The following ROR2 variants were observed in gnomAD, a reference collection of about 807,000 sequenced individuals.
ROR2 encodes the protein tyrosine-protein kinase transmembrane receptor ROR2.
A neutral mutation model predicts 74.9 loss-of-function variants in ROR2; 33 were observed. The ratio of observed to expected loss-of-function variants is 0.44; its 90% CI spans 0.33 to 0.59. The LOEUF (loss-of-function observed/expected upper bound fraction) is 0.59, where lower values mean the gene tolerates loss of function less well. Among genes scored for constraint, ROR2 ranks in the 20% least tolerant of loss-of-function variants. ROR2 has a pLI of 0.02. For synonymous variants in ROR2, 586 were observed against 558.7 expected (o/e 1.05, Z -0.69); for missense variants, 1,216 against 1,313.8 (o/e 0.93, Z 1.15).
intron 1 of ROR2, among the ~76,000 whole-genome samples, chr9:91,847,865 G>T (rs1472277465): frequency 6.6e-6 from 1 of 151,856 alleles, no homozygotes; most frequent in Non-Finnish European, 1.5e-5. Context: ...AAACACCCAC[G>T]CAGACTCACT....
rs142922014 is a variant in ROR2 at position 91,840,035 on chromosome 9, G to A, written c.98-64217C>T. ...ACACTGTACTGGCCCCCGTTCCCTG[G>A]ACTGCCCAGCATTTCTCAGGGAGAG... On this transcript the variant is annotated intron_variant, in intron 1 of 8. Transcript: ENST00000375708. 5.3e-3 allele frequency among the ~76,000 whole-genome samples: 807 copies of A among 152,214 alleles called. 11 individuals are homozygous for A. Among genetic ancestry groups the A allele is most frequent in the African/African-American group, 0.018 (765 of 41,534 alleles).
chr9:91,872,418 C>T (rs1829823615), intron 1 of ROR2, among the ~76,000 whole-genome samples: 1 of 152,212 alleles, frequency 6.6e-6, no homozygotes, highest in African/African-American at 2.4e-5. Flanking sequence ...CCAATACATC[C>T]AATGACTATT....
rs1836871664 is a variant in ROR2 at position 91,723,575 on chromosome 9, T to G, written c.*87A>C. On this transcript the variant is annotated 3_prime_UTR_variant, in exon 9 of 9. Transcript: ENST00000375708. ...CTGGCCGGCGGGCTCTTGTGATTGC[T>G]GAGTATGGTGTCTTCTCAAAGGTGA... 3.9e-6 allele frequency: 6 copies of G among 1,546,524 alleles called. No homozygotes were observed. The highest frequency in any genetic ancestry group is 5.2e-6 in the Non-Finnish European group (6 of 1,147,130).
chr9:91,830,450 C>A (rs1421506758), intron 1 of ROR2, among the ~76,000 whole-genome samples: 1 of 152,096 alleles, frequency 6.6e-6, no homozygotes, highest in Non-Finnish European at 1.5e-5. Context: ...CCAGTCTGGG[C>A]AACAGAGTGA....
chr9:91,910,783 C>T (rs150627798), intron 1 of ROR2, among the ~76,000 whole-genome samples: 2 of 152,194 alleles, frequency 1.3e-5, no homozygotes, highest in Non-Finnish European at 2.9e-5. Flanking sequence ...CCTGCCTCAG[C>T]CTCCTAAGTA....
chr9:91,813,124 A>T (rs569961958), intron 1 of ROR2, among the ~76,000 whole-genome samples: 12 of 152,302 alleles, frequency 7.9e-5, no homozygotes, highest in South Asian at 4.1e-4. Flanking sequence ...TTTTAGAAAA[A>T]AAAAATAAAA....
intron 1 of ROR2, among the ~76,000 whole-genome samples, chr9:91,910,815 CA>C (rs1331790865): frequency 6.6e-6 from 1 of 152,098 alleles, no homozygotes; most frequent in Non-Finnish European, 1.5e-5. Flanking sequence ...AGGCGTGTAC[CA>C]CCATGCCCAG....
chr9:91,843,409 T>C lies in ROR2; in HGVS notation c.98-67591A>G, dbSNP rs181267988. ...GGCCCCATCAAGACAGTCTGTTGTA[T>C]CCTAGACTTATTTTTCCAGAAATGT... On this transcript the variant is annotated intron_variant, in intron 1 of 8. Coordinates refer to ENST00000375708, the MANE Select transcript of ROR2 (RefSeq NM_004560.4). Among the ~76,000 whole-genome samples the C allele has an allele frequency of 1.5e-3, 221 of 152,332 alleles. 1 individual carries two copies. Among genetic ancestry groups the C allele is most frequent in the African/African-American group, 5.1e-3 (214 of 41,576 alleles).
At chr9:91,906,967 T>C (rs1830834999) in intron 1 of ROR2, among the ~76,000 whole-genome samples, 1 of 152,214 alleles carries the variant, frequency 6.6e-6, no homozygotes, top group Non-Finnish European at 1.5e-5. Flanking sequence ...GAACATTCAC[T>C]GTGTTGTGCA....
rs117623248 is a variant in ROR2, at chr9:91,906,784, C to T, written c.97+43083G>A. Among the ~76,000 whole-genome samples, 177 of 152,298 alleles carry T rather than the reference C, an allele frequency of 1.2e-3. 3 individuals carry two copies. In the East Asian group the frequency reaches 0.032, roughly 28 times the overall value. ...GAACCTGCTACATAGTTCTGCACCACGGACAGTCTGAGAAGCACCAAGGAC... is the reference window on the plus strand; with the variant it reads ...GAACCTGCTACATAGTTCTGCACCATGGACAGTCTGAGAAGCACCAAGGAC... On this transcript the variant is annotated intron_variant, in intron 1 of 8. Transcript: ENST00000375708.
At chr9:91,787,082 C>T (rs1264546656) in intron 1 of ROR2, among the ~76,000 whole-genome samples, 1 of 152,156 alleles carries the variant, frequency 6.6e-6, no homozygotes, top group Non-Finnish European at 1.5e-5. Flanking sequence ...ATGTCATCTC[C>T]GTCTCATACA....
chr9:91,865,719 A>C (rs1343398213), intron 1 of ROR2, among the ~76,000 whole-genome samples: 1 of 152,174 alleles, frequency 6.6e-6, no homozygotes, highest in Admixed American at 6.5e-5. Flanking sequence ...TTTTGGTTGG[A>C]GGCATGGGGG....
chr9:91,800,354 A>AAG lies in ROR2; in HGVS notation c.98-24538_98-24537dup, dbSNP rs1554763426. Among the ~76,000 whole-genome samples the AAG allele has an allele frequency of 2.3e-3, 346 of 149,386 alleles. 2 individuals carry two copies. The highest frequency in any genetic ancestry group is 8.6e-3 in the African/African-American group (340 of 39,616). On this transcript the variant is annotated intron_variant, in intron 1 of 8. Transcript: ENST00000375708. The stretch of plus-strand genomic sequence containing the variant: ...CAAGACTCCGTCTCAAAAAAAAAAA[A>AAG]AGAGAGAGAGAGAATAATACCAGTG...
chr9:91,818,884 C>T (rs1828036221), intron 1 of ROR2, among the ~76,000 whole-genome samples: 1 of 152,164 alleles, frequency 6.6e-6, no homozygotes, highest in Non-Finnish European at 1.5e-5. Context: ...CCATGAGCAG[C>T]TTGGGGGACC....
intron 1 of ROR2, among the ~76,000 whole-genome samples, chr9:91,912,272 G>A (rs1022965397): frequency 1.3e-5 from 2 of 152,174 alleles, no homozygotes; most frequent in Non-Finnish European, 2.9e-5. Context: ...GAGTTAAAGG[G>A]AATATGGAAC....
At chr9:91,824,860 G>A (rs1290262643) in intron 1 of ROR2, among the ~76,000 whole-genome samples, 1 of 152,164 alleles carries the variant, frequency 6.6e-6, no homozygotes, top group Non-Finnish European at 1.5e-5. Flanking sequence ...GACGGGCAAG[G>A]CCTCTTGCCA....
intron 2 of ROR2, among the ~76,000 whole-genome samples, chr9:91,770,881 A>G (rs900939578): frequency 6.6e-6 from 1 of 152,308 alleles, no homozygotes; most frequent in African/African-American, 2.4e-5. Context: ...AATAAACCAG[A>G]AGCACACACA....
At chr9:91,939,163 T>C (rs1010358795) in intron 1 of ROR2, among the ~76,000 whole-genome samples, 1 of 152,114 alleles carries the variant, frequency 6.6e-6, no homozygotes, top group African/African-American at 2.4e-5. Context: ...GGCAGGGGAA[T>C]TGCCTGAACC....
chr9:91,882,944 A>T (rs982930772), intron 1 of ROR2, among the ~76,000 whole-genome samples: 3 of 152,178 alleles, frequency 2.0e-5, no homozygotes, highest in African/African-American at 7.2e-5. Context: ...GGACTTCGTT[A>T]TGGCAGTCCC....
Sources: gnomAD v4.1 joint callset for allele counts (sites outside exome capture counted in the v4.1 genomes callset) on GRCh38, gnomAD v4.1.1 for gene constraint, MANE v1.5 for transcripts, NCBI Gene and HGNC (gene_info 2026-07-23, HGNC 2026-07-21) for gene names.